Variants in PANX1 observed in about 807,000 individuals in gnomAD.
The protein encoded by PANX1 is pannexin 1, also known as pannexin-1.
Under a neutral mutation model 38.7 loss-of-function variants are expected in PANX1, and 30 were observed. The ratio of observed to expected loss-of-function variants is 0.78; its 90% CI spans 0.58 to 1.05. The LOEUF (loss-of-function observed/expected upper bound fraction) is 1.05, where lower values mean the gene tolerates loss of function less well. Among genes scored for constraint, PANX1 ranks in the 50% least tolerant of loss-of-function variants. The pLI is 0.00. For synonymous variants in PANX1, 230 were observed against 212.2 expected (o/e 1.08, Z -0.73); for missense variants, 551 against 517.2 (o/e 1.07, Z -0.63).
chr11:94,132,391 G>C (rs1946640077), intron 1 of PANX1, among the ~76,000 whole-genome samples: 1 of 152,192 alleles, frequency 6.6e-6, no homozygotes. Context: ...CATGAACAGT[G>C]AGAGTTTCAG....
At position 94,162,499 on chromosome 11, in the gene PANX1, G is replaced by C. The variant is rs192148958; in HGVS notation, c.321+8869G>C. 7.3e-3 allele frequency among the ~76,000 whole-genome samples: 1,115 copies of C among 152,312 alleles called. 15 individuals are homozygous for C. The highest frequency in any genetic ancestry group is 0.025 in the African/African-American group (1,046 of 41,562). ...GCTAGCAATGAGCGAGGCTCCGTGGGCGTAGGACCCTCCGAGCCAGGCGCT... is the reference window on the plus strand; with the variant it reads ...GCTAGCAATGAGCGAGGCTCCGTGGCCGTAGGACCCTCCGAGCCAGGCGCT... On this transcript the variant is annotated intron_variant, in intron 2 of 4. Transcript: ENST00000227638.
At chr11:94,178,623 G>C in intron 3 of PANX1, 31 bp downstream of exon 3, 1 of 1,545,042 alleles carries the variant, frequency 6.5e-7, no homozygotes, top group Non-Finnish European at 8.9e-7. Flanking sequence ...AGCTCATCGG[G>C]TTTTGTAGGA....
intron 2 of PANX1, among the ~76,000 whole-genome samples, chr11:94,160,468 C>A (rs919052570): frequency 2.0e-5 from 3 of 152,096 alleles, no homozygotes; most frequent in African/African-American, 7.2e-5. Flanking sequence ...TGATCCCTTT[C>A]ACATTATGTA....
chr11:94,129,586 C>G (rs1946601789), intron 1 of PANX1, 93 bp downstream of exon 1: 2 of 1,173,686 alleles, frequency 1.7e-6, no homozygotes, highest in Non-Finnish European at 2.4e-6. Flanking sequence ...CTGGGTACGC[C>G]CAGCTGTGAT....
At chr11:94,173,048 T>A (rs779149357) in intron 2 of PANX1, among the ~76,000 whole-genome samples, 7 of 151,732 alleles carry the variant, frequency 4.6e-5, no homozygotes, top group Non-Finnish European at 7.4e-5. Context: ...CTTTCTGGGG[T>A]AGCTGTTCAC....
At chr11:94,164,582 G>A (rs889859294) in intron 2 of PANX1, among the ~76,000 whole-genome samples, 5 of 152,134 alleles carry the variant, frequency 3.3e-5, no homozygotes, top group East Asian at 1.9e-4. Context: ...TGAATTTTTC[G>A]AGACTTGTTT....
chr11:94,172,509 G>A (rs1240381429), intron 2 of PANX1, among the ~76,000 whole-genome samples: 1 of 151,788 alleles, frequency 6.6e-6, no homozygotes, highest in African/African-American at 2.4e-5. Flanking sequence ...GGACACACAT[G>A]CTTGAGCCAA....
intron 2 of PANX1, among the ~76,000 whole-genome samples, chr11:94,163,662 G>A (rs532163355): frequency 1.6e-4 from 25 of 152,226 alleles, no homozygotes; most frequent in Admixed American, 1.2e-3. Flanking sequence ...TGTGTTCATC[G>A]GAGGTATTGG....
intron 1 of PANX1, among the ~76,000 whole-genome samples, chr11:94,132,361 AG>A (rs1348549389): frequency 6.6e-6 from 1 of 152,196 alleles, no homozygotes; most frequent in Non-Finnish European, 1.5e-5. Context: ...GAAAGGCAGA[AG>A]GAGGGGTTTC....
intron 2 of PANX1, among the ~76,000 whole-genome samples, chr11:94,155,494 A>G (rs1356502729): frequency 6.6e-6 from 1 of 152,116 alleles, no homozygotes; most frequent in Non-Finnish European, 1.5e-5. Flanking sequence ...AGCATGGGCA[A>G]CAGAGTGAGA....
intron 1 of PANX1, among the ~76,000 whole-genome samples, chr11:94,141,895 C>T (rs1050889927): frequency 5.9e-5 from 9 of 152,272 alleles, no homozygotes; most frequent in Admixed American, 1.3e-4. Flanking sequence ...AGCACTGGAA[C>T]GGTGTCTGGT....
chr11:94,143,315 G>A (rs1447112598), intron 1 of PANX1, among the ~76,000 whole-genome samples: 1 of 152,186 alleles, frequency 6.6e-6, no homozygotes, highest in African/African-American at 2.4e-5. Flanking sequence ...TTCATGATGT[G>A]TTTGCTCTAG....
Position 94,132,594 on chromosome 11 carries a change from TG to T in PANX1, c.181+3108del, listed in dbSNP as rs141635584. On this transcript the variant is annotated intron_variant, in intron 1 of 4. Transcript: ENST00000227638. Reference sequence around the variant, plus strand: ...AATCCCATTGTTTTCCTGTTTGTGTTGGGGGGGTGGTGTGTGTGTGTATAAA... The same window carrying T: ...AATCCCATTGTTTTCCTGTTTGTGTTGGGGGGTGGTGTGTGTGTGTATAAA... Among the ~76,000 whole-genome samples the T allele has an allele frequency of 8.7e-3, 1,329 of 152,174 alleles. 20 individuals are homozygous for T. Among genetic ancestry groups the T allele is most frequent in the African/African-American group, 0.03 (1,234 of 41,522 alleles).
chr11:94,177,063 C>G (rs1947243268), intron 2 of PANX1, among the ~76,000 whole-genome samples: 1 of 151,756 alleles, frequency 6.6e-6, no homozygotes, highest in Non-Finnish European at 1.5e-5. Context: ...CATGACACCT[C>G]TATTCCATGA....
At chr11:94,142,807 G>A (rs1946778895) in intron 1 of PANX1, among the ~76,000 whole-genome samples, 1 of 152,234 alleles carries the variant, frequency 6.6e-6, no homozygotes, top group South Asian at 2.1e-4. Context: ...GAGTGCCTTA[G>A]GGAGAATACC....
chr11:94,162,333 C>T (rs1947051632), intron 2 of PANX1, among the ~76,000 whole-genome samples: 1 of 152,200 alleles, frequency 6.6e-6, no homozygotes, highest in Non-Finnish European at 1.5e-5. Context: ...TCTACAGAGG[C>T]AGGCAGGCCT....
Position 94,179,652 on chromosome 11 carries a change from A to G in PANX1, c.596A>G (p.Tyr199Cys), listed in dbSNP as rs754213022. 6.2e-7 allele frequency: 1 copy of G among 1,613,592 alleles called. No individual in the cohort carries two copies. Among genetic ancestry groups the G allele is most frequent in the South Asian group, 1.1e-5 (1 of 90,984 alleles). ...TTCAAGTACCCAATTGTGGAGCAGTACTTGAAGACAAAGAAAAATTCTAAT... is the reference window on the plus strand; with the variant it reads ...TTCAAGTACCCAATTGTGGAGCAGTGCTTGAAGACAAAGAAAAATTCTAAT... ...SHFKYPIVEQ[Y>C]LKTKKNSNNL... The change falls in exon 4 of 5, where the codon TAC becomes TGC. Residue 199 changes from tyrosine to cysteine, a missense_variant. By Grantham distance (194) the Tyr-to-Cys change is radical (BLOSUM62 -2). Transcript: ENST00000227638.
intron 3 of PANX1, among the ~76,000 whole-genome samples, chr11:94,179,303 G>T: frequency 6.6e-6 from 1 of 152,148 alleles, no homozygotes; most frequent in Non-Finnish European, 1.5e-5. Context: ...TTGCCTGTAA[G>T]AGGCGTATGC....
intron 1 of PANX1, among the ~76,000 whole-genome samples, chr11:94,134,693 T>C (rs1199602246): frequency 7.5e-6 from 1 of 132,910 alleles, no homozygotes; most frequent in Non-Finnish European, 1.6e-5. Context: ...TCTTTCCCTC[T>C]CTCTCCCACT....
Sources: gnomAD v4.1 joint callset for allele counts (sites outside exome capture counted in the v4.1 genomes callset) on GRCh38, gnomAD v4.1.1 for gene constraint, MANE v1.5 for transcripts, NCBI Gene and HGNC (gene_info 2026-07-23, HGNC 2026-07-21) for gene names.